NOTCH2NLA: variants seen among roughly 807,000 people sequenced by gnomAD.
NOTCH2NLA encodes notch 2 N-terminal like A.
At chr1:146,182,539 T>C (rs1553809392) in intron 2 of NOTCH2NLA, among the ~76,000 whole-genome samples, 1 of 106,538 alleles carries the variant, frequency 9.4e-6, no homozygotes, top group Non-Finnish European at 2.2e-5. Flanking sequence ...CTTAAGTCTA[T>C]CTGGCATAAA....
At position 146,161,854 on chromosome 1, in the gene NOTCH2NLA, G is replaced by A. The variant is rs1174787046; in HGVS notation, c.298+2897C>T. ...TGGAATACAGGAGATCCATTAGGGCGTCTCTTAGTATTACCATGCCCTGTG... is the reference window on the plus strand; with the variant it reads ...TGGAATACAGGAGATCCATTAGGGCATCTCTTAGTATTACCATGCCCTGTG... On this transcript the variant is annotated intron_variant, in intron 3 of 4. Coordinates refer to ENST00000362074, the Ensembl canonical transcript of NOTCH2NLA. Among the ~76,000 whole-genome samples the A allele has an allele frequency of 9.0e-4, 72 of 80,380 alleles. 13 individuals are homozygous for A. The highest frequency in any genetic ancestry group is 3.6e-4 in the Non-Finnish European group (16 of 44,212). 52.7% of individuals were successfully genotyped at this position (80,380 alleles called of 152,430 possible).
At chr1:146,172,796 C>T (rs1417935275) in intron 2 of NOTCH2NLA, among the ~76,000 whole-genome samples, 1 of 147,964 alleles carries the variant, frequency 6.8e-6, no homozygotes, top group Admixed American at 6.8e-5. Flanking sequence ...CTCAAACTCC[C>T]ATCTAGATAG....
chr1:146,174,425 A>T (rs74119625), intron 2 of NOTCH2NLA, among the ~76,000 whole-genome samples: 114 of 67,862 alleles, frequency 1.7e-3, no homozygotes, highest in East Asian at 6.0e-3. Context: ...TTTTTTTTTT[A>T]AAACGAGGAT....
chr1:146,174,726 C>T (rs1257195465), intron 2 of NOTCH2NLA, among the ~76,000 whole-genome samples: 7 of 143,886 alleles, frequency 4.9e-5, no homozygotes, highest in South Asian at 4.3e-4. Context: ...GGCCTCTTGG[C>T]CCCCCAATCC....
At chr1:146,172,060 A>G (rs1229420284) in intron 2 of NOTCH2NLA, among the ~76,000 whole-genome samples, 41 of 135,684 alleles carry the variant, frequency 3.0e-4, no homozygotes, top group Middle Eastern at 7.6e-3. Context: ...TAGCACTGAG[A>G]AGGACACCAA....
At position 146,180,647 on chromosome 1, in the gene NOTCH2NLA, AAAC is replaced by A. The variant is rs1375425285; in HGVS notation, c.38+8650_38+8652del. Among the ~76,000 whole-genome samples the A allele has an allele frequency of 2.8e-5, 4 of 143,414 alleles. 1 individual carries two copies. The highest frequency in any genetic ancestry group is 6.4e-5 in the Non-Finnish European group (4 of 62,476). 94.1% of individuals were successfully genotyped at this position (143,414 alleles called of 152,430 possible). A position where few individuals can be genotyped will look rare whatever the true frequency, so the allele number is the denominator to read the frequency against. ...TAAAACCCAACTAAAAGAAATATGAAAACAAAATGCATAACACAGTCGCATGTG... is the reference window on the plus strand; with the variant it reads ...TAAAACCCAACTAAAAGAAATATGAAAAAATGCATAACACAGTCGCATGTG... On this transcript the variant is annotated intron_variant, in intron 2 of 4. Coordinates refer to ENST00000362074, the Ensembl canonical transcript of NOTCH2NLA.
At position 146,185,441 on chromosome 1, in the gene NOTCH2NLA, A is replaced by T. The variant is rs587600215; in HGVS notation, c.38+3859T>A. Among the ~76,000 whole-genome samples, 11 of 136,250 alleles carry T rather than the reference A, an allele frequency of 8.1e-5. No homozygotes were observed. In the South Asian group the frequency reaches 2.5e-3, roughly 31 times the overall value. 89.4% of individuals were successfully genotyped at this position (136,250 alleles called of 152,430 possible). ...TGACAGTAGTTATTTAACAGCAATA[A>T]TTGAGTTTTATGCAAGATTATACAA... On this transcript the variant is annotated intron_variant, in intron 2 of 4. Transcript: ENST00000362074.
intron 1 of NOTCH2NLA, among the ~76,000 whole-genome samples, chr1:146,207,725 C>T (rs10429827): frequency 0.76 from 44,177 of 58,480 alleles, 17,192 homozygotes; most frequent in Non-Finnish European, 0.86. Flanking sequence ...ATGACCCATT[C>T]GTGGTCATGA....
At chr1:146,186,356 CT>C (rs4067774) in intron 2 of NOTCH2NLA, among the ~76,000 whole-genome samples, 66 of 98,994 alleles carry the variant, frequency 6.7e-4, no homozygotes, top group African/African-American at 1.1e-3. Flanking sequence ...GCTCCATTTT[CT>C]TTTTTTTTTT....
chr1:146,228,840 G>A (rs1435914072), exon 1 of NOTCH2NLA: 2 of 1,510,520 alleles, frequency 1.3e-6, no homozygotes, highest in Non-Finnish European at 1.8e-6. Context: ...TCCACATGGG[G>A]AGGGGGTCCC....
intron 1 of NOTCH2NLA, among the ~76,000 whole-genome samples, chr1:146,200,624 C>A: frequency 8.4e-6 from 1 of 118,728 alleles, no homozygotes; most frequent in African/African-American, 3.4e-5. Flanking sequence ...ATGTCCAAAT[C>A]AGTTCCTCTT....
intron 1 of NOTCH2NLA, among the ~76,000 whole-genome samples, chr1:146,194,537 AAATGGC>A (rs1663084410): frequency 8.1e-5 from 1 of 12,334 alleles, no homozygotes; most frequent in South Asian, 2.3e-3. Context: ...CAGCTCCCCA[AAATGGC>A]AATGATTTTA....
intron 1 of NOTCH2NLA, among the ~76,000 whole-genome samples, chr1:146,220,076 C>T (rs587772793): frequency 4.6e-5 from 1 of 21,866 alleles, no homozygotes; most frequent in East Asian, 7.0e-4. Context: ...TCTGTTGCTA[C>T]GTAAACCTAC....
chr1:146,174,449 AAAC>A (rs1327240768), intron 2 of NOTCH2NLA, among the ~76,000 whole-genome samples: 9 of 149,858 alleles, frequency 6.0e-5, no homozygotes, highest in African/African-American at 1.5e-4. Context: ...GCCATTCAAG[AAAC>A]AACAACAACA....
At position 146,219,808 on chromosome 1, in the gene NOTCH2NLA, T is replaced by A. The variant is rs1420724774; in HGVS notation, c.-45+8901A>T. Among the ~76,000 whole-genome samples the A allele has an allele frequency of 5.1e-3, 348 of 67,982 alleles. 69 individuals carry two copies. Among genetic ancestry groups the A allele is most frequent in the South Asian group, 0.017 (46 of 2,632 alleles). 44.6% of individuals were successfully genotyped at this position (67,982 alleles called of 152,430 possible). A position where few individuals can be genotyped will look rare whatever the true frequency, so the allele number is the denominator to read the frequency against. On this transcript the variant is annotated intron_variant, in intron 1 of 4. Transcript: ENST00000362074. ...CTGTTCATAAACTAAAAAAAAAAAA[T>A]ATATATATATATATAAATAAATCAA...
chr1:146,185,126 G>A (rs1553810042), intron 2 of NOTCH2NLA, among the ~76,000 whole-genome samples: 7 of 140,130 alleles, frequency 5.0e-5, no homozygotes, highest in Non-Finnish European at 4.9e-5. Flanking sequence ...CAGATGTTAA[G>A]AACCAGCAGA....
chr1:146,210,622 C>G (rs1571336693), intron 1 of NOTCH2NLA, among the ~76,000 whole-genome samples: 1 of 103,460 alleles, frequency 9.7e-6, no homozygotes, highest in East Asian at 2.4e-4. Flanking sequence ...CACACACACA[C>G]ACGCACACAC....
chr1:146,186,967 C>T (rs1297269792), intron 2 of NOTCH2NLA, among the ~76,000 whole-genome samples: 2 of 133,384 alleles, frequency 1.5e-5, no homozygotes, highest in Non-Finnish European at 3.5e-5. Context: ...CCTATCAACC[C>T]GTCATCCAGG....
rs1176471534 is a variant in NOTCH2NLA at position 146,186,183 on chromosome 1, T to C, written c.38+3117A>G. Reference sequence around the variant, plus strand: ...CTCTTTATACAAGTTTTGTTGTTCATCTTGGTCTCCCAAAAGGATGGCCTC... The same window carrying C: ...CTCTTTATACAAGTTTTGTTGTTCACCTTGGTCTCCCAAAAGGATGGCCTC... On this transcript the variant is annotated intron_variant, in intron 2 of 4. Coordinates refer to ENST00000362074, the Ensembl canonical transcript of NOTCH2NLA. Among the ~76,000 whole-genome samples the C allele has an allele frequency of 2.2e-5, 3 of 134,596 alleles. 1 individual carries two copies. The highest frequency in any genetic ancestry group is 3.4e-5 in the Non-Finnish European group (2 of 58,260). The allele number at this position is 134,596 out of a possible 152,430, so 88.3% of individuals were successfully genotyped here.
Sources: allele counts gnomAD v4.1 joint callset (sites outside exome capture counted in the v4.1 genomes callset), GRCh38; gene constraint gnomAD v4.1.1; transcripts MANE v1.5; gene names NCBI Gene and HGNC (gene_info 2026-07-23, HGNC 2026-07-21).